The following LECT2 variants were observed in gnomAD, a reference collection of about 807,000 sequenced individuals.
LECT2 encodes the protein leukocyte cell derived chemotaxin 2.
In LECT2, 11 loss-of-function variants were observed where a neutral mutation model predicts 16.6. That is an observed-to-expected ratio of 0.66 (90% CI 0.42 to 1.09). The LOEUF is 1.09. LECT2 is among the 50% of genes least tolerant of loss of function. The probability of loss-of-function intolerance (pLI) is 0.00; values close to 1 mark genes in which losing one functional copy is unlikely to be tolerated. For missense variants in LECT2, 173 were observed against 184.2 expected (o/e 0.94, Z 0.35); for synonymous variants, 54 against 64.8 (o/e 0.83, Z 0.80).
chr5:135,954,333 T>C (rs1763831798), intron 1 of LECT2, among the ~76,000 whole-genome samples: 1 of 152,208 alleles, frequency 6.6e-6, no homozygotes, highest in Admixed American at 6.5e-5. Flanking sequence ...CCTTGGGAAT[T>C]GAGGCAAATA....
intron 3 of LECT2, 72 bp from the exon 4 acceptor site, chr5:135,947,569 A>T: frequency 7.2e-7 from 1 of 1,382,270 alleles, no homozygotes. Context: ...AAAATAACAA[A>T]TGGACAAAAA....
At chr5:135,954,231 G>A (rs1763831119) in intron 1 of LECT2, among the ~76,000 whole-genome samples, 1 of 152,170 alleles carries the variant, frequency 6.6e-6, no homozygotes, top group Non-Finnish European at 1.5e-5. Flanking sequence ...CTTTTAAAAG[G>A]TGGGTTTCAA....
At position 135,952,949 on chromosome 5, in the gene LECT2, GCC is replaced by G. The variant is rs539470786; in HGVS notation, c.63_64del (p.Trp21CysfsTer2). ...GGAAGACTTGCCAGCACATATATTA[GCC>G]CATGGCCCTGCCAGTGCTAAAAAGG... On this transcript the variant is annotated frameshift_variant, in exon 2 of 4. Coordinates refer to ENST00000274507, the MANE Select transcript of LECT2 (RefSeq NM_002302.3). LOFTEE classifies it high-confidence loss of function. The G allele has an allele frequency of 6.2e-7, 1 of 1,613,616 alleles. No homozygotes were observed. The highest frequency in any genetic ancestry group is 1.1e-5 in the South Asian group (1 of 91,070).
intron 2 of LECT2, chr5:135,951,569 T>A: frequency 2.0e-6 from 1 of 496,974 alleles, no homozygotes. Flanking sequence ...AACCATATCA[T>A]AAAGATGAAA....
chr5:135,947,585 A>T (rs1238519100), intron 3 of LECT2, 88 bp from the exon 4 acceptor site: 10 of 1,342,692 alleles, frequency 7.4e-6, no homozygotes, highest in African/African-American at 1.5e-5. Context: ...AAAAAATAAA[A>T]AAAAGAATGT....
chr5:135,951,792 A>G (rs965901763), intron 2 of LECT2, among the ~76,000 whole-genome samples: 1 of 152,170 alleles, frequency 6.6e-6, no homozygotes, highest in Non-Finnish European at 1.5e-5. Context: ...TTTTTCTTGC[A>G]GTGATCTAGA....
chr5:135,950,697 A>G (rs1281423428), intron 3 of LECT2: 1 of 154,158 alleles, frequency 6.5e-6, no homozygotes, highest in Non-Finnish European at 1.4e-5. Flanking sequence ...CTCTTGCAGA[A>G]GTGCCAGCAT....
chr5:135,950,633 G>A (rs182957064), intron 3 of LECT2, among the ~76,000 whole-genome samples: 41 of 152,306 alleles, frequency 2.7e-4, no homozygotes, highest in Non-Finnish European at 4.6e-4. Flanking sequence ...TGGAGTACCA[G>A]GAGATCTAGC....
In LECT2 at chr5:135,952,871, C is replaced by T. The variant is rs369985386; in HGVS notation, c.143G>A (p.Arg48Lys). 26 of 1,610,938 alleles carry T rather than the reference C, an allele frequency of 1.6e-5. No homozygotes were observed. The South Asian group carries it at 2.7e-4, about 17-fold the overall frequency. ...GGTGGGTGGTTGTGCAACTTCATAC[C>T]TTTGAGCAGAGTACTGTCCACAGCC... is the stretch of plus-strand genomic sequence containing the variant. ...RHGCGQYSAQRSQRPHQGVDI... is the reference protein window; with the variant it reads ...RHGCGQYSAQKSQRPHQGVDI... The change falls in exon 2 of 4, where the codon AGA becomes AAA. Residue 48 changes from arginine (R) to lysine (K), a missense_variant and splice_region_variant. Transcript: ENST00000274507.
chr5:135,950,635 A>G (rs1196747900), intron 3 of LECT2, among the ~76,000 whole-genome samples: 2 of 152,238 alleles, frequency 1.3e-5, no homozygotes, highest in African/African-American at 4.8e-5. Context: ...GAGTACCAGG[A>G]GATCTAGCTT....
At chr5:135,954,318 T>A (rs76411270) in intron 1 of LECT2, among the ~76,000 whole-genome samples, 4,530 of 152,320 alleles carry the variant, frequency 0.03, 230 homozygotes, top group African/African-American at 0.1. Context: ...GCAACTAATA[T>A]TTATCCTTGG....
At chr5:135,949,276 T>C (rs1364402071) in intron 3 of LECT2, among the ~76,000 whole-genome samples, 1 of 152,196 alleles carries the variant, frequency 6.6e-6, no homozygotes, top group Admixed American at 6.5e-5. Flanking sequence ...TGGTGGAAAT[T>C]AGCAAACAGA....
chr5:135,948,797 C>A (rs1763742062), intron 3 of LECT2, among the ~76,000 whole-genome samples: 1 of 151,834 alleles, frequency 6.6e-6, no homozygotes, highest in Non-Finnish European at 1.5e-5. Context: ...GCCTCAGCCT[C>A]CTGAGTAGCA....
chr5:135,950,541 C>T (rs1328486531), intron 3 of LECT2, among the ~76,000 whole-genome samples: 2 of 152,142 alleles, frequency 1.3e-5, no homozygotes, highest in Admixed American at 6.5e-5. Flanking sequence ...TTGAAATTCA[C>T]GGAGCTATAC....
In LECT2 at chr5:135,954,789, G is replaced by T. The variant is rs148112810; in HGVS notation, c.45C>A (p.Thr15=). The T allele has an allele frequency of 1.2e-6, 2 of 1,610,790 alleles. No homozygotes were observed. Among genetic ancestry groups the T allele is most frequent in the Non-Finnish European group, 1.7e-6 (2 of 1,177,194 alleles). ...KALLLAGLIS[T]ALAGPWANIC... ...TCTAAAATTGCACTTTCGACTTACCGGTAGAAATCAGACCAGCCAAAAGGA... is the reference window on the plus strand; with the variant it reads ...TCTAAAATTGCACTTTCGACTTACCTGTAGAAATCAGACCAGCCAAAAGGA... Residue 15 remains threonine, a splice_region_variant and synonymous_variant, in exon 1 of 4, where the codon ACC becomes ACA. Coordinates refer to ENST00000274507, the MANE Select transcript of LECT2 (RefSeq NM_002302.3).
Position 135,954,817 on chromosome 5 carries a change from G to A in LECT2, c.17C>T (p.Ala6Val). 1 of 1,613,178 alleles carries A rather than the reference G, an allele frequency of 6.2e-7. No homozygotes were observed. Residue 6 changes from alanine (A) to valine (V), a missense_variant, in exon 1 of 4, where the codon GCC becomes GTC. Physicochemically the swap from Ala to Val is moderately conservative, Grantham distance 64 (BLOSUM62 0). Coordinates refer to ENST00000274507, the MANE Select transcript of LECT2 (RefSeq NM_002302.3). MFSTK[A>V]LLLAGLISTA... is the part of the protein sequence containing the mutation. ...AGAAATCAGACCAGCCAAAAGGAGG[G>A]CTTTGGTGGAAAACATCTGGTTTTA...
At chr5:135,952,279 T>C (rs1763806513) in intron 2 of LECT2, among the ~76,000 whole-genome samples, 1 of 152,222 alleles carries the variant, frequency 6.6e-6, no homozygotes, top group Non-Finnish European at 1.5e-5. Context: ...ACTGGACACA[T>C]GGCTATTTCA....
At chr5:135,950,766 G>C (rs1258068312) in intron 3 of LECT2, 1 of 171,784 alleles carries the variant, frequency 5.8e-6, no homozygotes, top group African/African-American at 2.4e-5. Context: ...TAGCATTGCT[G>C]AAAGTGGCTT....
At chr5:135,950,751 A>G (rs1410915885) in intron 3 of LECT2, 1 of 163,232 alleles carries the variant, frequency 6.1e-6, no homozygotes, top group Non-Finnish European at 1.3e-5. Flanking sequence ...TCTATCCATT[A>G]TGGTTAGCAT....
Sources: allele counts gnomAD v4.1 joint callset (sites outside exome capture counted in the v4.1 genomes callset), GRCh38; gene constraint gnomAD v4.1.1; transcripts MANE v1.5; gene names NCBI Gene and HGNC (gene_info 2026-07-23, HGNC 2026-07-21).